The following NECAB1 variants were observed in gnomAD, a reference collection of about 807,000 sequenced individuals.
NECAB1 encodes the protein N-terminal EF-hand calcium binding protein 1.
A neutral mutation model predicts 57.5 loss-of-function variants in NECAB1; 29 were observed. That is an observed-to-expected ratio of 0.50 (90% CI 0.38 to 0.69). NECAB1 has a LOEUF of 0.69. NECAB1 is among the 30% of genes least tolerant of loss of function. The pLI is 0.00. For synonymous variants in NECAB1, 142 were observed against 147.7 expected (o/e 0.96, Z 0.28); for missense variants, 372 against 413.8 (o/e 0.90, Z 0.88).
Position 90,841,268 on chromosome 8 carries a change from T to A in NECAB1, c.233+16443T>A, listed in dbSNP as rs11993507. 7.2e-3 allele frequency among the ~76,000 whole-genome samples: 1,011 copies of A among 140,362 alleles called. 14 individuals carry two copies. The highest frequency in any genetic ancestry group is 0.021 in the African/African-American group (822 of 39,862). 92.1% of individuals were successfully genotyped at this position (140,362 alleles called of 152,430 possible). A position where few individuals can be genotyped will look rare whatever the true frequency, so the allele number is the denominator to read the frequency against. Reference sequence around the variant, plus strand: ...GAGCGAGACTCTGTCTCAAAAAAAATAAAAAAAAAAAAGGGACCAAGTAGT... The same window carrying A: ...GAGCGAGACTCTGTCTCAAAAAAAAAAAAAAAAAAAAAGGGACCAAGTAGT... On this transcript the variant is annotated intron_variant, in intron 3 of 12. Coordinates refer to ENST00000417640, the MANE Select transcript of NECAB1 (RefSeq NM_022351.5).
chr8:90,874,938 C>G (rs1808687237), intron 4 of NECAB1, among the ~76,000 whole-genome samples: 1 of 133,254 alleles, frequency 7.5e-6, no homozygotes, highest in African/African-American at 3.2e-5. Flanking sequence ...TGAAGGCCTT[C>G]CTAAATGCAT....
rs1371293231 is a variant in NECAB1, at chr8:90,947,392, CTTTTTTTTTTTTTCT to C, written c.861-2403_861-2389del. ...GAGTTAAGAATTCTACATGTAACTT[CTTTTTTTTTTTTTCT>C]TTTTTTTTTTTCAGAAAGAATCTCG... On this transcript the variant is annotated intron_variant, in intron 10 of 12. Coordinates refer to ENST00000417640, the MANE Select transcript of NECAB1 (RefSeq NM_022351.5). Among the ~76,000 whole-genome samples the C allele has an allele frequency of 7.4e-5, 9 of 121,830 alleles. No individual in the cohort carries two copies. The East Asian group carries it at 1.6e-3, about 22-fold the overall frequency. The allele number at this position is 121,830 out of a possible 152,430, so 79.9% of individuals were successfully genotyped here.
rs150550087 is a variant in NECAB1, at chr8:90,826,259, A to C, written c.233+1434A>C. Among the ~76,000 whole-genome samples the C allele has an allele frequency of 1.0e-3, 159 of 152,022 alleles. 1 individual carries two copies. Among genetic ancestry groups the C allele is most frequent in the African/African-American group, 3.8e-3 (156 of 41,520 alleles). Reference sequence around the variant, plus strand: ...GAGTGAAAGATGAATCTGGAGAGGAAAGAAAGGACCAGACAAGATGGAATT... The same window carrying C: ...GAGTGAAAGATGAATCTGGAGAGGACAGAAAGGACCAGACAAGATGGAATT... On this transcript the variant is annotated intron_variant, in intron 3 of 12. Transcript: ENST00000417640.
chr8:90,878,942 T>C (rs994219978), intron 4 of NECAB1, among the ~76,000 whole-genome samples: 1 of 147,158 alleles, frequency 6.8e-6, no homozygotes, highest in East Asian at 2.0e-4. Context: ...GTAAGTATTT[T>C]CTTATTTATC....
intron 2 of NECAB1, among the ~76,000 whole-genome samples, chr8:90,815,010 T>C (rs1271355563): frequency 1.3e-5 from 2 of 152,094 alleles, no homozygotes; most frequent in Non-Finnish European, 2.9e-5. Context: ...CATGAGTTTA[T>C]ATTAATGTCT....
intron 2 of NECAB1, among the ~76,000 whole-genome samples, chr8:90,820,176 G>C (rs1380376858): frequency 3.3e-5 from 5 of 151,830 alleles, no homozygotes; most frequent in African/African-American, 1.2e-4. Flanking sequence ...CCAGATTTGG[G>C]GTAGCAGTTT....
At chr8:90,889,494 C>G (rs1442590892) in intron 5 of NECAB1, among the ~76,000 whole-genome samples, 1 of 152,124 alleles carries the variant, frequency 6.6e-6, no homozygotes, top group Non-Finnish European at 1.5e-5. Flanking sequence ...TAGTTGTAAT[C>G]GTTATCTACT....
intron 10 of NECAB1, among the ~76,000 whole-genome samples, chr8:90,947,099 C>CTTATATTA (rs1810820219): frequency 1.3e-5 from 2 of 152,094 alleles, no homozygotes; most frequent in African/African-American, 4.8e-5. Flanking sequence ...ACCATTAATA[C>CTTATATTA]TTATATTATT....
At chr8:90,899,865 A>T (rs547034879) in intron 5 of NECAB1, among the ~76,000 whole-genome samples, 4 of 152,176 alleles carry the variant, frequency 2.6e-5, no homozygotes, top group Non-Finnish European at 4.4e-5. Flanking sequence ...ATTGAAACAG[A>T]ATAGTTCTGA....
chr8:90,825,338 T>C (rs985232383), intron 3 of NECAB1, among the ~76,000 whole-genome samples: 2 of 151,888 alleles, frequency 1.3e-5, no homozygotes, highest in African/African-American at 4.8e-5. Context: ...TTACTTATTT[T>C]GCCTATATAG....
intron 3 of NECAB1, among the ~76,000 whole-genome samples, chr8:90,842,703 A>G (rs548252009): frequency 2.2e-4 from 34 of 152,388 alleles, no homozygotes; most frequent in African/African-American, 8.2e-4. Flanking sequence ...ACAAACTGCC[A>G]AGAAAATGCT....
intron 3 of NECAB1, among the ~76,000 whole-genome samples, chr8:90,828,775 T>G (rs1812262033): frequency 6.6e-6 from 1 of 152,064 alleles, no homozygotes; most frequent in Non-Finnish European, 1.5e-5. Flanking sequence ...AAAGACCAGC[T>G]TCTTTCTGTT....
At chr8:90,906,708 A>G (rs138268200) in intron 5 of NECAB1, among the ~76,000 whole-genome samples, 190 of 151,926 alleles carry the variant, frequency 1.3e-3, no homozygotes, top group Non-Finnish European at 2.2e-3. Flanking sequence ...TAATGCCAAA[A>G]TTGGAACTTT....
intron 6 of NECAB1, among the ~76,000 whole-genome samples, chr8:90,918,018 C>CT (rs1408173504): frequency 3.6e-5 from 5 of 140,424 alleles, no homozygotes; most frequent in Admixed American, 7.2e-5. Context: ...ATATATATTT[C>CT]TTTTTTTTTG....
In NECAB1 at chr8:90,838,562, A is replaced by T. The variant is rs139305441; in HGVS notation, c.233+13737A>T. ...AGGGTGCATGCACACTCACACCCAC[A>T]GTCACTCAGCCTGGAACCATTCAGA... On this transcript the variant is annotated intron_variant, in intron 3 of 12. Transcript: ENST00000417640. 6.5e-3 allele frequency among the ~76,000 whole-genome samples: 987 copies of T among 152,326 alleles called. 6 individuals carry two copies. Among genetic ancestry groups the T allele is most frequent in the Non-Finnish European group, 0.012 (815 of 68,024 alleles).
At position 90,950,704 on chromosome 8, in the gene NECAB1, G is replaced by GGAAA. The variant is rs539498020; in HGVS notation, c.939-408_939-405dup. Among the ~76,000 whole-genome samples, 99 of 152,214 alleles carry GGAAA rather than the reference G, an allele frequency of 6.5e-4. 1 individual carries two copies. Among genetic ancestry groups the GGAAA allele is most frequent in the African/African-American group, 2.1e-3 (88 of 41,558 alleles). ...CACCAACAGTATTTCAGCCATAGAA[G>GGAAA]GAAACGAGGTAACTTATTCGACTCT... On this transcript the variant is annotated intron_variant, in intron 11 of 12. Coordinates refer to ENST00000417640, the MANE Select transcript of NECAB1 (RefSeq NM_022351.5).
intron 9 of NECAB1, among the ~76,000 whole-genome samples, chr8:90,935,500 G>C (rs1355621495): frequency 6.6e-6 from 1 of 152,090 alleles, no homozygotes; most frequent in Non-Finnish European, 1.5e-5. Context: ...AAAGAGAGGA[G>C]AGGGGTGTTG....
chr8:90,882,435 A>G (rs971963959), intron 5 of NECAB1, among the ~76,000 whole-genome samples: 6 of 152,152 alleles, frequency 3.9e-5, no homozygotes, highest in African/African-American at 1.4e-4. Context: ...GAAAAAAAAA[A>G]AGGAAAACAG....
chr8:90,873,763 G>A (rs1473767624), intron 4 of NECAB1, among the ~76,000 whole-genome samples: 1 of 152,140 alleles, frequency 6.6e-6, no homozygotes, highest in Admixed American at 6.5e-5. Flanking sequence ...TGTCATTAAG[G>A]AATATTGTGT....
Sources: gnomAD v4.1 joint callset for allele counts (sites outside exome capture counted in the v4.1 genomes callset) on GRCh38, gnomAD v4.1.1 for gene constraint, MANE v1.5 for transcripts, NCBI Gene and HGNC (gene_info 2026-07-23, HGNC 2026-07-21) for gene names.